ANO10: variants seen among roughly 807,000 people sequenced by gnomAD.
The protein encoded by ANO10 is anoctamin 10.
Under a neutral mutation model 74.7 loss-of-function variants are expected in ANO10, and 77 were observed. The ratio of observed to expected loss-of-function variants is 1.03; its 90% CI spans 0.86 to 1.25. ANO10 has a LOEUF of 1.25. Ranked by LOEUF, ANO10 falls within the 50% of genes most tolerant of loss-of-function variation. The pLI, the probability that ANO10 is intolerant of heterozygous loss-of-function variation, is 0.00. For missense variants in ANO10, 721 were observed against 778.1 expected (o/e 0.93, Z 0.87); for synonymous variants, 279 against 284.9 (o/e 0.98, Z 0.21).
intron 10 of ANO10, among the ~76,000 whole-genome samples, 193 bp downstream of exon 10, chr3:43,555,085 A>C (rs1397265490): frequency 6.6e-6 from 1 of 152,196 alleles, no homozygotes; most frequent in Non-Finnish European, 1.5e-5. Flanking sequence ...CTAACCCCCA[A>C]TTTTAAAAAC....
chr3:43,469,203 C>T lies in ANO10; in HGVS notation c.1798-36476G>A, dbSNP rs147718401. Among the ~76,000 whole-genome samples the T allele has an allele frequency of 7.8e-4, 118 of 151,372 alleles. 1 individual carries two copies. Among genetic ancestry groups the T allele is most frequent in the African/African-American group, 2.4e-3 (97 of 41,170 alleles). On this transcript the variant is annotated intron_variant, in intron 11 of 12. Coordinates refer to ENST00000292246, the MANE Select transcript of ANO10 (RefSeq NM_018075.5). ...AATTACAGGCACACACAACCATGCC[C>T]GGCTAATTTTTTTTTTGTATCTTTA...
At chr3:43,410,982 C>T (rs1349119488) in intron 12 of ANO10, among the ~76,000 whole-genome samples, 1 of 151,844 alleles carries the variant, frequency 6.6e-6, no homozygotes, top group Non-Finnish European at 1.5e-5. Context: ...TAGCACCTCC[C>T]TCACGGGCTT....
At position 43,565,711 on chromosome 3, in the gene ANO10, C is replaced by T; in HGVS notation, c.1235G>A (p.Cys412Tyr). ...LKVLVFNFLNCFASLFYIAFV... is the reference protein window; with the variant it reads ...LKVLVFNFLNYFASLFYIAFV... ...GGCAATATAGAAGAGTGAGGCAAAG[C>T]AATTGAGGAAGTTGAACTGCCAAAA... Residue 412 changes from cysteine to tyrosine, a missense_variant, in exon 8 of 13, where the codon TGC becomes TAC. Cys to Tyr is a radical substitution (Grantham distance 194). Transcript: ENST00000292246. 6.7e-7 allele frequency: 1 copy of T among 1,493,700 alleles called. No homozygotes were observed. The highest frequency in any genetic ancestry group is 1.2e-5 in the South Asian group (1 of 80,144). 92.5% of individuals were successfully genotyped at this position (1,493,700 alleles called of 1,614,324 possible).
upstream of ANO10, among the ~76,000 whole-genome samples, chr3:43,622,365 A>C (rs991870751): frequency 6.6e-6 from 1 of 151,984 alleles, no homozygotes; most frequent in Non-Finnish European, 1.5e-5. Context: ...TTGGGCTGTC[A>C]CTCCGAGCCG....
At chr3:43,376,172 T>C (rs1241760290) in intron 12 of ANO10, among the ~76,000 whole-genome samples, 2 of 152,030 alleles carry the variant, frequency 1.3e-5, no homozygotes. Context: ...ACTAAACACA[T>C]AAAAGGGAGC....
intron 12 of ANO10, among the ~76,000 whole-genome samples, chr3:43,367,801 T>A (rs962369561): frequency 6.6e-6 from 1 of 152,184 alleles, no homozygotes; most frequent in Non-Finnish European, 1.5e-5. Context: ...AATGAATAAC[T>A]ATAATACTGT....
intron 10 of ANO10, 31 bp from the exon 11 acceptor site, chr3:43,549,879 T>C (rs760685662): frequency 6.2e-7 from 1 of 1,611,578 alleles, no homozygotes; most frequent in Admixed American, 1.7e-5. Flanking sequence ...AATTAAAAAT[T>C]GCAATGACTG....
At chr3:43,391,804 C>G (rs2092280540) in intron 12 of ANO10, among the ~76,000 whole-genome samples, 1 of 152,200 alleles carries the variant, frequency 6.6e-6, no homozygotes, top group South Asian at 2.1e-4. Context: ...CCTGCAGCCT[C>G]AGCCATCACC....
At chr3:43,593,014 T>C (rs1261129019) in intron 4 of ANO10, among the ~76,000 whole-genome samples, 2 of 152,166 alleles carry the variant, frequency 1.3e-5, no homozygotes, top group African/African-American at 2.4e-5. Context: ...GTATCAGTGA[T>C]TGAAGATCAA....
intron 11 of ANO10, among the ~76,000 whole-genome samples, chr3:43,532,644 C>T (rs2078524112): frequency 6.6e-6 from 1 of 152,108 alleles, no homozygotes; most frequent in African/African-American, 2.4e-5. Context: ...ATATAACCAC[C>T]ACCACAATCA....
chr3:43,580,957 G>A (rs1227282415), intron 4 of ANO10, among the ~76,000 whole-genome samples: 1 of 152,026 alleles, frequency 6.6e-6, no homozygotes, highest in African/African-American at 2.4e-5. Context: ...ATATTCCCTT[G>A]TATGAAATGC....
At chr3:43,416,488 T>G (rs536061885) in intron 12 of ANO10, among the ~76,000 whole-genome samples, 7 of 152,322 alleles carry the variant, frequency 4.6e-5, no homozygotes, top group African/African-American at 1.7e-4. Context: ...TCAACCATAT[T>G]TTTATTAATA....
chr3:43,661,694 C>T (rs943787036), intron 1 of ANO10, among the ~76,000 whole-genome samples: 1 of 151,920 alleles, frequency 6.6e-6, no homozygotes, highest in Non-Finnish European at 1.5e-5. Context: ...AGGCTCAAAA[C>T]AAAGGGATGG....
intron 1 of ANO10, among the ~76,000 whole-genome samples, chr3:43,682,727 C>T (rs185610737): frequency 1.2e-4 from 18 of 152,174 alleles, no homozygotes; most frequent in Admixed American, 1.1e-3. Context: ...AAAAGCTTAT[C>T]CACCATGATC....
intron 11 of ANO10, among the ~76,000 whole-genome samples, chr3:43,442,704 C>T (rs760368816): frequency 4.6e-5 from 7 of 152,106 alleles, no homozygotes; most frequent in South Asian, 2.1e-4. Context: ...TAAAAGGCCA[C>T]GGAATAAATA....
intron 1 of ANO10, among the ~76,000 whole-genome samples, chr3:43,607,714 T>C (rs1300335093): frequency 6.6e-6 from 1 of 152,112 alleles, no homozygotes; most frequent in Non-Finnish European, 1.5e-5. Context: ...AAACACATAA[T>C]AGATCCAAAT....
intron 10 of ANO10, among the ~76,000 whole-genome samples, 188 bp from the exon 11 acceptor site, chr3:43,550,036 C>T (rs1440083156): frequency 1.3e-5 from 2 of 151,922 alleles, no homozygotes; most frequent in Admixed American, 1.3e-4. Context: ...TACTGTTAGG[C>T]AGTATTTTAG....
intron 1 of ANO10, chr3:43,690,709 G>A (rs185214637): frequency 9.4e-5 from 37 of 394,150 alleles, no homozygotes; most frequent in African/African-American, 2.3e-4. Context: ...TAACTCATTC[G>A]GGTGAGTCTC....
intron 11 of ANO10, among the ~76,000 whole-genome samples, chr3:43,443,725 G>A (rs1371298802): frequency 4.6e-5 from 6 of 130,762 alleles, no homozygotes; most frequent in Non-Finnish European, 1.6e-5. Context: ...TTGTTGCCCA[G>A]GCTGGAGTGC....
Sources: allele counts gnomAD v4.1 joint callset (sites outside exome capture counted in the v4.1 genomes callset), GRCh38; gene constraint gnomAD v4.1.1; transcripts MANE v1.5; gene names NCBI Gene and HGNC (gene_info 2026-07-23, HGNC 2026-07-21).